The following ANKEF1 variants were observed in gnomAD, a reference collection of about 807,000 sequenced individuals.
ANKEF1 encodes ankyrin repeat and EF-hand domain-containing protein 1.
Under a neutral mutation model 65.1 loss-of-function variants are expected in ANKEF1, and 43 were observed. The observed-to-expected ratio is 0.66, with a 90% CI of 0.52 to 0.85. The LOEUF (loss-of-function observed/expected upper bound fraction) is 0.85. ANKEF1 is among the 40% of genes least tolerant of loss of function. ANKEF1 has a pLI of 0.00. For missense variants in ANKEF1, 934 were observed against 952.9 expected, an observed-to-expected ratio of 0.98 and a Z score of 0.26; for synonymous variants, 316 against 341.5, an observed-to-expected ratio of 0.93 and a Z score of 0.82.
At chr20:10,051,591 T>G in intron 7 of ANKEF1, 72 bp from the exon 8 acceptor site, 1 of 1,199,098 alleles carries the variant, frequency 8.3e-7, no homozygotes. Flanking sequence ...CTATGAAATC[T>G]TACTTTGCAT....
chr20:10,038,929 C>T (rs1281956241), intron 3 of ANKEF1, among the ~76,000 whole-genome samples: 1 of 152,154 alleles, frequency 6.6e-6, no homozygotes, highest in African/African-American at 2.4e-5. Flanking sequence ...ACATTATACA[C>T]ACTGATTATT....
At chr20:10,044,303 G>T (rs6039663) in intron 4 of ANKEF1, 91 bp from the exon 5 acceptor site, 245,962 of 1,399,018 alleles carry the variant, frequency 0.18, 22,745 homozygotes, top group African/African-American at 0.24. Context: ...TAAAGCTAAG[G>T]TCAAATGGAT....
chr20:10,055,645 T>A lies in ANKEF1; in HGVS notation c.2316T>A (p.Ala772=), dbSNP rs1002105733. The change falls in exon 11 of 11, where the codon GCT becomes GCA. Residue 772 remains alanine, a synonymous_variant. Coordinates refer to ENST00000378392, the MANE Select transcript of ANKEF1 (RefSeq NM_022096.6). ...CAGAGAAAGCTCGAGCACTGGAAGCTGCCTTGAAGACCTAAGTCATAGCAG... is the reference window on the plus strand; with the variant it reads ...CAGAGAAAGCTCGAGCACTGGAAGCAGCCTTGAAGACCTAAGTCATAGCAG... ...NITEKARALE[A]ALKT 6.2e-7 allele frequency: 1 copy of A among 1,613,804 alleles called. No homozygotes were observed. The highest frequency in any genetic ancestry group is 8.5e-7 in the Non-Finnish European group (1 of 1,179,766).
chr20:10,050,152 C>T lies in ANKEF1; in HGVS notation c.1583C>T (p.Pro528Leu), dbSNP rs145395317. Residue 528 changes from proline (P) to leucine (L), a missense_variant, in exon 7 of 11, where the codon CCG becomes CTG. Physicochemically the swap from Pro to Leu is moderately conservative, Grantham distance 98 (BLOSUM62 -3). Coordinates refer to ENST00000378392, the MANE Select transcript of ANKEF1 (RefSeq NM_022096.6). ...ATGAAGGATAATTATTACAAAACTC[C>T]GCTAATGACGGCGTGTGCAAGTGGA... ...VDMKDNYYKT[P>L]LMTACASGNI... The T allele has an allele frequency of 1.4e-5, 22 of 1,613,966 alleles. No homozygotes were observed. Among genetic ancestry groups the T allele is most frequent in the South Asian group, 2.2e-5 (2 of 91,086 alleles).
Position 10,049,701 on chromosome 20 carries a change from ATCGC to A in ANKEF1, c.1135_1138del (p.Ala379ThrfsTer23). 1 of 1,614,180 alleles carries A rather than the reference ATCGC, an allele frequency of 6.2e-7. No homozygotes were observed. Among genetic ancestry groups the A allele is most frequent in the Non-Finnish European group, 8.5e-7 (1 of 1,180,022 alleles). ...TGCAAGCTCAGAACAGCTGGCTGCC[ATCGC>A]TCACCTTCATGAGAAAACCCGGGGA... On this transcript the variant is annotated frameshift_variant, in exon 7 of 11. Coordinates refer to ENST00000378392, the MANE Select transcript of ANKEF1 (RefSeq NM_022096.6). LOFTEE classifies it high-confidence loss of function.
chr20:10,038,508 C>T lies in ANKEF1; in HGVS notation c.207C>T (p.Asp69=). The T allele has an allele frequency of 6.2e-7, 1 of 1,614,214 alleles. No individual in the cohort carries two copies. ...TTGATATGGTCAGCTTTCTCCTTGA[C>T]CTTGGTGCTCACCCTGATGTGCAAG... ...NDIDMVSFLL[D]LGAHPDVQDR... is the part of the protein sequence containing the mutation. The change falls in exon 3 of 11, where the codon GAC becomes GAT. Residue 69 remains aspartate (D), a synonymous_variant. Coordinates refer to ENST00000378392, the MANE Select transcript of ANKEF1 (RefSeq NM_022096.6).
At position 10,049,547 on chromosome 20, in the gene ANKEF1, C is replaced by T. The variant is rs1033463399; in HGVS notation, c.978C>T (p.Ala326=). 1.2e-6 allele frequency: 2 copies of T among 1,614,094 alleles called. No individual in the cohort carries two copies. The highest frequency in any genetic ancestry group is 1.7e-6 in the Non-Finnish European group (2 of 1,180,006). The change falls in exon 7 of 11, where the codon GCC becomes GCT. Residue 326 remains alanine (A), a synonymous_variant. Transcript: ENST00000378392. ...PGAKNPNPLW[A]LRLHDWSVER... ...CCAAAAATCCAAATCCACTGTGGGC[C>T]CTTAGACTGCACGATTGGTCCGTAG...
At chr20:10,038,207 A>C (rs1175664141) in intron 2 of ANKEF1, 51 bp from the exon 3 acceptor site, 1 of 733,082 alleles carries the variant, frequency 1.4e-6, no homozygotes, top group African/African-American at 1.8e-5. Context: ...TTTAATCAAA[A>C]TGAAGATGAT....
At chr20:10,044,288 A>G in intron 4 of ANKEF1, 106 bp from the exon 5 acceptor site, 1 of 1,271,074 alleles carries the variant, frequency 7.9e-7, no homozygotes, top group African/African-American at 1.5e-5. Context: ...CTAAACTTGT[A>G]AGTGTAAAGC....
At chr20:10,037,198 G>T (rs1040737748) in intron 2 of ANKEF1, among the ~76,000 whole-genome samples, 13 of 152,054 alleles carry the variant, frequency 8.5e-5, no homozygotes. Flanking sequence ...ATAAGGTGAC[G>T]GGGGAGAAGA....
chr20:10,045,841 A>C (rs1360341150), intron 6 of ANKEF1, 144 bp downstream of exon 6: 3 of 762,912 alleles, frequency 3.9e-6, no homozygotes, highest in Non-Finnish European at 6.2e-6. Context: ...GAAAATTGAA[A>C]ATTATTTCTT....
At chr20:10,050,313 TTATTA>T (rs1984781213) in intron 7 of ANKEF1, 101 bp downstream of exon 7, 2 of 911,666 alleles carry the variant, frequency 2.2e-6, no homozygotes, top group Admixed American at 5.8e-5. Flanking sequence ...AAGTGCTACT[TTATTA>T]AAGTCTATAA....
rs999307990 is a variant in ANKEF1 at position 10,057,478 on chromosome 20, C to A, written c.*1818C>A. The A allele has an allele frequency of 2.6e-5, 4 of 151,996 alleles. No individual in the cohort carries two copies. Among genetic ancestry groups the A allele is most frequent in the African/African-American group, 9.7e-5 (4 of 41,368 alleles). The allele number at this position is 151,996 out of a possible 1,614,324, so 9.4% of individuals were successfully genotyped here. A position where few individuals can be genotyped will look rare whatever the true frequency, so the allele number is the denominator to read the frequency against. On this transcript the variant is annotated 3_prime_UTR_variant, in exon 11 of 11. Transcript: ENST00000378392. ...CAAAGAATTCTTATATGCCCTTTAC[C>A]CAGATTACCTAAATGTTAACCACTT...
chr20:10,053,938 T>C (rs1985007604), intron 9 of ANKEF1, among the ~76,000 whole-genome samples: 1 of 152,150 alleles, frequency 6.6e-6, no homozygotes, highest in South Asian at 2.1e-4. Context: ...AGGAAACCCC[T>C]AAGTGTGTCT....
chr20:10,050,660 AT>A (rs568635289), intron 7 of ANKEF1, among the ~76,000 whole-genome samples: 188 of 152,356 alleles, frequency 1.2e-3, no homozygotes, highest in Non-Finnish European at 2.3e-3. Context: ...GCAATTATGC[AT>A]GAAGTGAAGG....
intron 5 of ANKEF1, among the ~76,000 whole-genome samples, chr20:10,045,141 A>G (rs189337280): frequency 1.2e-4 from 18 of 152,354 alleles, no homozygotes; most frequent in Non-Finnish European, 4.4e-5. Flanking sequence ...TCCGTGCAAT[A>G]AAAGTATACA....
rs1287922514 is a variant in ANKEF1, at chr20:10,049,803, G to C, written c.1234G>C (p.Gly412Arg). The C allele has an allele frequency of 6.2e-7, 1 of 1,613,952 alleles. No individual in the cohort carries two copies. Among genetic ancestry groups the C allele is most frequent in the Non-Finnish European group, 8.5e-7 (1 of 1,180,032 alleles). Residue 412 changes from glycine (G) to arginine (R), a missense_variant, in exon 7 of 11, where the codon GGA becomes CGA. Transcript: ENST00000378392. ...CAAGTCTTTTGTCTTAGGATCGTAT[G>C]GACCTAAGAAAAAGGAAAAAGGGAT... ...LNKSFVLGSYGPKKKEKGMGK... is the reference protein window; with the variant it reads ...LNKSFVLGSYRPKKKEKGMGK...
chr20:10,057,770 G>A lies in ANKEF1; in HGVS notation c.*2110G>A, dbSNP rs1230343580. On this transcript the variant is annotated 3_prime_UTR_variant, in exon 11 of 11. Coordinates refer to ENST00000378392, the MANE Select transcript of ANKEF1 (RefSeq NM_022096.6). ...ACTTAAGTGAACTATTTAATCTATAGACCTTATTCAGATTTTGCTATTTAT... is the reference window on the plus strand; with the variant it reads ...ACTTAAGTGAACTATTTAATCTATAAACCTTATTCAGATTTTGCTATTTAT... The A allele has an allele frequency of 1.3e-5, 2 of 152,124 alleles. No individual in the cohort carries two copies. Among genetic ancestry groups the A allele is most frequent in the African/African-American group, 4.8e-5 (2 of 41,408 alleles). The allele number at this position is 152,124 out of a possible 1,614,324, so 9.4% of individuals were successfully genotyped here.
chr20:10,049,543 G>A lies in ANKEF1; in HGVS notation c.974G>A (p.Trp325Ter). 6.2e-7 allele frequency: 1 copy of A among 1,614,116 alleles called. No homozygotes were observed. Among genetic ancestry groups the A allele is most frequent in the Non-Finnish European group, 8.5e-7 (1 of 1,180,018 alleles). Residue 325 changes from tryptophan (W) to a stop codon, truncating the protein, a stop_gained, in exon 7 of 11, where the codon TGG becomes TAG. Transcript: ENST00000378392. LOFTEE classifies it high-confidence loss of function. Reference sequence around the variant, plus strand: ...GGAGCCAAAAATCCAAATCCACTGTGGGCCCTTAGACTGCACGATTGGTCC... The same window carrying A: ...GGAGCCAAAAATCCAAATCCACTGTAGGCCCTTAGACTGCACGATTGGTCC... Reference protein sequence around the residue: ...RPGAKNPNPLWALRLHDWSVE... With the variant: ...RPGAKNPNPL
Sources: allele counts gnomAD v4.1 joint callset (sites outside exome capture counted in the v4.1 genomes callset), GRCh38; gene constraint gnomAD v4.1.1; transcripts MANE v1.5; gene names NCBI Gene and HGNC (gene_info 2026-07-23, HGNC 2026-07-21).